The following TPM1 variants were observed in gnomAD, a reference collection of about 807,000 sequenced individuals.
TPM1 encodes tropomyosin alpha-1 chain.
A neutral mutation model predicts 42.9 loss-of-function variants in TPM1; 24 were observed. The ratio of observed to expected loss-of-function variants is 0.56; its 90% CI spans 0.41 to 0.79. The LOEUF is 0.79. Among genes scored for constraint, TPM1 ranks in the 30% least tolerant of loss-of-function variants. The pLI is 0.00. For synonymous variants in TPM1, 136 were observed against 130.1 expected (o/e 1.05, Z -0.31); for missense variants, 158 against 351.8 (o/e 0.45, Z 4.41).
intron 2 of TPM1, 116 bp downstream of exon 2, chr15:63,044,268 A>C: frequency 6.7e-7 from 1 of 1,497,738 alleles, no homozygotes; most frequent in Non-Finnish European, 9.2e-7. Flanking sequence ...ACACCTGCAC[A>C]CAGCCCTGCC....
At chr15:63,050,866 G>T (rs1339072381) in intron 2 of TPM1, among the ~76,000 whole-genome samples, 1 of 152,224 alleles carries the variant, frequency 6.6e-6, no homozygotes, top group African/African-American at 2.4e-5. Context: ...CAAAGATAAA[G>T]GTTTAGTGAC....
Position 63,049,683 on chromosome 15 carries a change from T to C in TPM1, c.240+5531T>C, listed in dbSNP as rs573372031. Among the ~76,000 whole-genome samples the C allele has an allele frequency of 1.4e-4, 21 of 152,328 alleles. No homozygotes were observed. The South Asian group carries it at 4.3e-3, about 32-fold the overall frequency. ...GTAAATCGTTCTAGTTAAGTGTTTG[T>C]AAATGGCTGTATGGCTGGCCACAGA... On this transcript the variant is annotated intron_variant, in intron 2 of 9. Transcript: ENST00000403994.
intron 2 of TPM1, chr15:63,045,421 G>A (rs1220563875): frequency 6.6e-6 from 1 of 152,174 alleles, no homozygotes; most frequent in African/African-American, 2.4e-5. Flanking sequence ...TTTGGAAAAA[G>A]AGCCAAAAAC....
At chr15:63,053,646 T>A (rs1488668792) in intron 2 of TPM1, among the ~76,000 whole-genome samples, 1 of 151,326 alleles carries the variant, frequency 6.6e-6, no homozygotes, top group African/African-American at 2.4e-5. Context: ...TGAATCAGAA[T>A]CTCTAGGGAC....
In TPM1 at chr15:63,048,244, C is replaced by G. The variant is rs151274957; in HGVS notation, c.240+4092C>G. 1.8e-3 allele frequency: 913 copies of G among 494,196 alleles called. 14 individuals carry two copies. Among genetic ancestry groups the G allele is most frequent in the East Asian group, 0.013 (203 of 15,296 alleles). 30.6% of individuals were successfully genotyped at this position (494,196 alleles called of 1,614,324 possible). ...GCCAGAGCCCTAGTGCAGTGGCCTC[C>G]CGGAGCGCCCAGCTCACCAGGTACC... On this transcript the variant is annotated intron_variant, in intron 2 of 9. Transcript: ENST00000403994.
chr15:63,048,440 GC>G, intron 2 of TPM1: 2 of 1,352,442 alleles, frequency 1.5e-6, no homozygotes, highest in Non-Finnish European at 1.9e-6. Flanking sequence ...GCCGCAGGGG[GC>G]GCCGCCATCG....
In TPM1 at chr15:63,062,789, C is replaced by T. The variant is rs573182762; in HGVS notation, c.772+144C>T. The T allele has an allele frequency of 2.5e-4, 395 of 1,549,848 alleles. 3 individuals carry two copies. In the South Asian group the frequency reaches 3.4e-3, roughly 13 times the overall value. ...CCTGTGTGTCCTCTGGGGTTTTTCT[C>T]TGTGGCTCTTGAACTCATGAACCTA... On this transcript the variant is annotated intron_variant, in intron 8 of 9. Coordinates refer to ENST00000403994, the MANE Select transcript of TPM1 (RefSeq NM_001018005.2).
rs759081217 is a variant in TPM1, at chr15:63,061,286, C to T, written c.563+347C>T. On this transcript the variant is annotated intron_variant, in intron 5 of 9. Transcript: ENST00000403994. ...TGCAGAGGATAAGGTACTGATGGCTCGTGTGGTTTTTAGGTTTAACTGCAA... is the reference window on the plus strand; with the variant it reads ...TGCAGAGGATAAGGTACTGATGGCTTGTGTGGTTTTTAGGTTTAACTGCAA... The T allele has an allele frequency of 9.3e-6, 15 of 1,613,822 alleles. No individual in the cohort carries two copies. Among genetic ancestry groups the T allele is most frequent in the African/African-American group, 6.7e-5 (5 of 74,892 alleles).
chr15:63,049,964 C>A (rs2033487962), intron 2 of TPM1, among the ~76,000 whole-genome samples: 1 of 152,158 alleles, frequency 6.6e-6, no homozygotes. Flanking sequence ...AAAACAAGAA[C>A]TTTGGACCCA....
chr15:63,062,093 G>C, intron 6 of TPM1, 122 bp from the exon 7 acceptor site: 1 of 862,668 alleles, frequency 1.2e-6, no homozygotes, highest in Non-Finnish European at 2.0e-6. Flanking sequence ...TGATATCAGA[G>C]GTTCCATTAC....
downstream of TPM1, among the ~76,000 whole-genome samples, chr15:63,067,778 CT>C (rs2036364668): frequency 6.6e-6 from 1 of 152,206 alleles, no homozygotes. Context: ...GCTACAGCTG[CT>C]CTGGTGGGCC....
intron 1 of TPM1, chr15:63,043,328 T>C (rs1019076554): frequency 5.5e-6 from 3 of 542,958 alleles, no homozygotes; most frequent in Non-Finnish European, 1.1e-5. Context: ...TCGTTGACTT[T>C]TGACTGGGGA....
exon 9 of TPM1, chr15:63,071,678 G>T: frequency 5.5e-6 from 1 of 181,544 alleles, no homozygotes; most frequent in Non-Finnish European, 1.2e-5. Context: ...TAAAGCCAAG[G>T]GTCTGTAAGC....
chr15:63,070,805 CAG>C (rs1238743025), downstream of TPM1: 23 of 1,238,292 alleles, frequency 1.9e-5, no homozygotes, highest in Non-Finnish European at 4.1e-6. Flanking sequence ...GGCACACCGT[CAG>C]TGAACCTTCA....
chr15:63,062,140 G>C, intron 6 of TPM1, 75 bp from the exon 7 acceptor site: 1 of 1,350,696 alleles, frequency 7.4e-7, no homozygotes, highest in Non-Finnish European at 1.1e-6. Context: ...GGCTGAGCTG[G>C]CGAGTTCTTT....
intron 2 of TPM1, chr15:63,055,921 C>T (rs1454182235): frequency 1.3e-5 from 2 of 152,202 alleles, no homozygotes; most frequent in Non-Finnish European, 2.9e-5. Context: ...AAGAAACCAA[C>T]ATTTTATTTC....
intron 2 of TPM1, chr15:63,048,307 G>C: frequency 1.1e-6 from 1 of 898,508 alleles, no homozygotes; most frequent in Non-Finnish European, 1.6e-6. Flanking sequence ...CCCCGCCGCC[G>C]CGAGCATGCG....
downstream of TPM1, among the ~76,000 whole-genome samples, chr15:63,067,783 G>GCTA (rs2036365284): frequency 5.3e-5 from 8 of 152,324 alleles, no homozygotes; most frequent in South Asian, 1.0e-3. Flanking sequence ...AGCTGCTCTG[G>GCTA]TGGGCCAAAC....
In TPM1 at chr15:63,065,943, ATG is replaced by A; in HGVS notation, c.*46_*47del. On this transcript the variant is annotated 3_prime_UTR_variant, in exon 10 of 10. Coordinates refer to ENST00000403994, the MANE Select transcript of TPM1 (RefSeq NM_001018005.2). ...TCCCAAGACTCCCTCGTCGAGCTGGATGTCCCACCTCTCTGAGCTCTGCATTT... is the reference window on the plus strand; with the variant it reads ...TCCCAAGACTCCCTCGTCGAGCTGGATCCCACCTCTCTGAGCTCTGCATTT... The A allele has an allele frequency of 1.2e-6, 2 of 1,604,556 alleles. No homozygotes were observed. The highest frequency in any genetic ancestry group is 1.7e-6 in the Non-Finnish European group (2 of 1,176,654).
Sources: allele counts gnomAD v4.1 joint callset (sites outside exome capture counted in the v4.1 genomes callset), GRCh38; gene constraint gnomAD v4.1.1; transcripts MANE v1.5; gene names NCBI Gene and HGNC (gene_info 2026-07-23, HGNC 2026-07-21).